MDN1: variants seen among roughly 807,000 people sequenced by gnomAD.
MDN1 encodes the protein midasin.
A neutral mutation model predicts 669.2 loss-of-function variants in MDN1; 266 were observed. That is an observed-to-expected ratio of 0.40 (90% confidence interval 0.36 to 0.44). The LOEUF (loss-of-function observed/expected upper bound fraction) is 0.44. MDN1 is among the 20% of genes least tolerant of loss of function. The probability of loss-of-function intolerance (pLI) is 1.00; values close to 1 mark genes in which losing one functional copy is unlikely to be tolerated. For missense variants in MDN1, 5,940 were observed against 6,754.0 expected, an observed-to-expected ratio of 0.88 and a Z score of 4.22; for synonymous variants, 2,385 against 2,457.1, an observed-to-expected ratio of 0.97 and a Z score of 0.87.
At chr6:89,797,293 C>A (rs1197166445) in intron 2 of MDN1, among the ~76,000 whole-genome samples, 1 of 143,630 alleles carries the variant, frequency 7.0e-6, no homozygotes, top group Non-Finnish European at 1.5e-5. Flanking sequence ...TCGCTTGAAC[C>A]TGGGAAGGAG....
intron 32 of MDN1, among the ~76,000 whole-genome samples, chr6:89,739,284 A>G (rs900881833): frequency 2.0e-5 from 3 of 152,344 alleles, no homozygotes; most frequent in East Asian, 3.9e-4. Context: ...GGAAAACAAG[A>G]TAAGATAATC....
rs149475739 is a variant in MDN1 at position 89,785,620 on chromosome 6, A to G, written c.1335-494T>C. Among the ~76,000 whole-genome samples, 518 of 152,370 alleles carry G rather than the reference A, an allele frequency of 3.4e-3. 2 individuals carry two copies. The highest frequency in any genetic ancestry group is 0.01 in the Middle Eastern group (3 of 294). On this transcript the variant is annotated intron_variant, in intron 8 of 101. Transcript: ENST00000369393. ...GTACATGCTTATGCATAGGCCACTT[A>G]GTCCTCACAACTGTCCCGAGAGGAA...
intron 15 of MDN1, among the ~76,000 whole-genome samples, chr6:89,766,327 T>C (rs1817798751): frequency 6.6e-6 from 1 of 151,902 alleles, no homozygotes; most frequent in Non-Finnish European, 1.5e-5. Flanking sequence ...CTCATTCATT[T>C]AAAGCTGAGC....
Position 89,728,022 on chromosome 6 carries a change from T to C in MDN1, c.5350-67A>G, listed in dbSNP as rs111905377. On this transcript the variant is annotated intron_variant, in intron 36 of 101. Coordinates refer to ENST00000369393, the MANE Select transcript of MDN1 (RefSeq NM_014611.3). ...AAAAATCAACTGGATTCTAACACCC[T>C]AAATCTGAAATGATAAATACTTGGG... The C allele has an allele frequency of 2.0e-4, 298 of 1,515,014 alleles. 2 individuals are homozygous for C. In the African/African-American group the frequency reaches 3.3e-3, roughly 17 times the overall value. The allele number at this position is 1,515,014 out of a possible 1,614,324, so 93.8% of individuals were successfully genotyped here.
intron 31 of MDN1, among the ~76,000 whole-genome samples, chr6:89,741,784 C>T (rs1183508084): frequency 6.6e-6 from 1 of 152,172 alleles, no homozygotes; most frequent in Non-Finnish European, 1.5e-5. Context: ...GTCCCAACAG[C>T]ATTCCCCATT....
intron 33 of MDN1, among the ~76,000 whole-genome samples, chr6:89,733,312 T>C (rs953747440): frequency 4.6e-5 from 7 of 152,052 alleles, no homozygotes; most frequent in Admixed American, 3.3e-4. Context: ...ATGAATCAAG[T>C]TGAATATTCT....
rs1360972861 is a variant in MDN1 at position 89,656,751 on chromosome 6, C to A, written c.15234G>T (p.Ser5078=). Reference sequence around the variant, plus strand: ...GGGAGGCCAACTGGGCAATGAAATTCGATTCATGGCCTTCTGCCTGGTTTG... The same window carrying A: ...GGGAGGCCAACTGGGCAATGAAATTAGATTCATGGCCTTCTGCCTGGTTTG... ...ADANQAEGHE[S]NFIAQLASQK... The change falls in exon 91 of 102, where the codon TCG becomes TCT. Residue 5078 remains serine (S), a synonymous_variant. Transcript: ENST00000369393. 2 of 1,613,070 alleles carry A rather than the reference C, an allele frequency of 1.2e-6. No individual in the cohort carries two copies. The highest frequency in any genetic ancestry group is 1.7e-5 in the Admixed American group (1 of 59,902).
At chr6:89,817,798 G>T (rs1035606045) in intron 1 of MDN1, among the ~76,000 whole-genome samples, 3 of 151,168 alleles carry the variant, frequency 2.0e-5, no homozygotes, top group African/African-American at 7.3e-5. Context: ...CTGGGGCAGG[G>T]TTTCTTTCTT....
rs868311481 is a variant in MDN1, at chr6:89,737,714, C to A, written c.4723+612G>T. Among the ~76,000 whole-genome samples the A allele has an allele frequency of 2.3e-4, 30 of 131,218 alleles. No individual in the cohort carries two copies. In the South Asian group the frequency reaches 2.5e-3, roughly 11 times the overall value. 86.1% of individuals were successfully genotyped at this position (131,218 alleles called of 152,430 possible). A position where few individuals can be genotyped will look rare whatever the true frequency, so the allele number is the denominator to read the frequency against. ...CCAGGCTGGAGTACAATGGTGCAAT[C>A]CCAGCCTAATTTTTTTTTTTTTTTT... On this transcript the variant is annotated intron_variant, in intron 33 of 101. Transcript: ENST00000369393.
rs772098039 is a variant in MDN1 at position 89,785,145 on chromosome 6, AAC to A, written c.1335-21_1335-20del. On this transcript the variant is annotated intron_variant, in intron 8 of 101. Transcript: ENST00000369393. ...CAAGAGTCTACGTTTCAAAATAAAA[AAC>A]ACAGTCACACAAAATTCCAAATTTT... 20 of 1,580,868 alleles carry A rather than the reference AAC, an allele frequency of 1.3e-5. No individual in the cohort carries two copies. In the South Asian group the frequency reaches 1.4e-4, roughly 11 times the overall value.
Position 89,745,333 on chromosome 6 carries a change from G to T in MDN1, c.4118C>A (p.Ala1373Glu). Residue 1373 changes from alanine to glutamate, a missense_variant, in exon 29 of 102, where the codon GCG (alanine) becomes GAG (glutamate). By Grantham distance (107) the Ala-to-Glu change is moderately radical. Transcript: ENST00000369393. ...IVWTEGMRRL[A>E]MLVGRALEFG... ...TTCCAATGCCCTTCCCACTAGCATC[G>T]CGAGTCTCCGCATGCCCTCAGTCCA... 1.2e-6 allele frequency: 2 copies of T among 1,613,868 alleles called. No homozygotes were observed. Among genetic ancestry groups the T allele is most frequent in the Non-Finnish European group, 1.7e-6 (2 of 1,179,928 alleles).
intron 1 of MDN1, among the ~76,000 whole-genome samples, chr6:89,818,099 C>T (rs1032418668): frequency 5.9e-5 from 9 of 151,930 alleles, no homozygotes; most frequent in African/African-American, 7.3e-5. Flanking sequence ...GGGTGGATCA[C>T]CTGAGATCAG....
At chr6:89,769,623 G>C (rs552041681) in intron 15 of MDN1, among the ~76,000 whole-genome samples, 11 of 152,328 alleles carry the variant, frequency 7.2e-5, no homozygotes, top group East Asian at 5.8e-4. Context: ...GGAAATGTAA[G>C]TAGCGTTTTC....
chr6:89,741,479 G>GC lies in MDN1; in HGVS notation c.4449-1102dup, dbSNP rs574313231. Reference sequence around the variant, plus strand: ...TCAACTTTAAAAGAAAAGTAATAGCGCCCCCCCAAAACTAACCCCTCCTTC... The same window carrying GC: ...TCAACTTTAAAAGAAAAGTAATAGCGCCCCCCCCAAAACTAACCCCTCCTTC... On this transcript the variant is annotated intron_variant, in intron 31 of 101. Transcript: ENST00000369393. Among the ~76,000 whole-genome samples, 247 of 151,360 alleles carry GC rather than the reference G, an allele frequency of 1.6e-3. 1 individual carries two copies. Among genetic ancestry groups the GC allele is most frequent in the Admixed American group, 4.3e-3 (65 of 15,162 alleles).
At chr6:89,758,599 C>T (rs753417258) in intron 18 of MDN1, among the ~76,000 whole-genome samples, 3 of 152,096 alleles carry the variant, frequency 2.0e-5, no homozygotes, top group Non-Finnish European at 4.4e-5. Flanking sequence ...GTCTATTATC[C>T]ACAACTCAAA....
chr6:89,754,238 T>C lies in MDN1; in HGVS notation c.2817-8A>G, dbSNP rs745776191. On this transcript the variant is annotated splice_region_variant and splice_polypyrimidine_tract_variant and intron_variant, in intron 20 of 101. Transcript: ENST00000369393. ...CGCAAAGCTGTGTAGAAGCTACAAA[T>C]AGAATAAAGGTCAGGCAATTTTATT... The C allele has an allele frequency of 4.3e-6, 7 of 1,611,280 alleles. No homozygotes were observed. Among genetic ancestry groups the C allele is most frequent in the South Asian group, 2.2e-5 (2 of 90,648 alleles).
Position 89,662,211 on chromosome 6 carries a change from T to C in MDN1, c.14441A>G (p.Asp4814Gly). 1 of 1,612,500 alleles carries C rather than the reference T, an allele frequency of 6.2e-7. No homozygotes were observed. The highest frequency in any genetic ancestry group is 8.5e-7 in the Non-Finnish European group (1 of 1,179,696). ...GTTTGAATTGCCACTATCCAAGTTG[T>C]CATCTTTAGCAACAAGTTCAGAATC... The part of the protein sequence containing the change: ...EEDSELVAKD[D>G]NLDSGNSNKD... The change falls in exon 87 of 102, where the codon GAC (aspartate) becomes GGC (glycine). Residue 4814 changes from aspartate (D) to glycine (G), a missense_variant. By Grantham distance (94) the Asp-to-Gly change is moderately conservative. This residue lies in a region of MDN1 where 2,280 missense variants were observed against 2,576.3 expected (regional missense o/e 0.88). Coordinates refer to ENST00000369393, the MANE Select transcript of MDN1 (RefSeq NM_014611.3).
chr6:89,773,268 A>G (rs1818196349), intron 13 of MDN1, among the ~76,000 whole-genome samples: 2 of 152,098 alleles, frequency 1.3e-5, no homozygotes, highest in Admixed American at 1.3e-4. Context: ...AAGGCAGAGC[A>G]TGGTGGCACA....
intron 96 of MDN1, 148 bp downstream of exon 96, chr6:89,650,584 G>T: frequency 1.6e-6 from 1 of 629,062 alleles, no homozygotes; most frequent in East Asian, 2.7e-5. Flanking sequence ...TAGGAAAACA[G>T]GGTAAGGAAC....
Sources: allele counts gnomAD v4.1 joint callset (sites outside exome capture counted in the v4.1 genomes callset), GRCh38; gene constraint gnomAD v4.1.1; regional missense constraint gnomAD v4.1.1; transcripts MANE v1.5; gene names NCBI Gene and HGNC (gene_info 2026-07-23, HGNC 2026-07-21).